ST18: variants seen among roughly 807,000 people sequenced by gnomAD.
The protein encoded by ST18 is ST18 C2H2C-type zinc finger transcription factor.
Under a neutral mutation model 110.0 loss-of-function variants are expected in ST18, and 50 were observed. That is an observed-to-expected ratio of 0.45 (90% CI 0.36 to 0.58). The LOEUF (loss-of-function observed/expected upper bound fraction) is 0.58. Among genes scored for constraint, ST18 ranks in the 20% least tolerant of loss-of-function variants. The pLI is 0.00. For synonymous variants in ST18, 461 were observed against 452.4 expected (o/e 1.02, Z -0.24); for missense variants, 1,306 against 1,280.1 (o/e 1.02, Z -0.31).
chr8:52,351,975 T>C (rs555010828), intron 2 of ST18, among the ~76,000 whole-genome samples: 1 of 152,166 alleles, frequency 6.6e-6, no homozygotes, highest in Non-Finnish European at 1.5e-5. Context: ...ATCAAAAAAA[T>C]TTATATGCAA....
intron 2 of ST18, among the ~76,000 whole-genome samples, chr8:52,260,886 C>A (rs1276893999): frequency 1.3e-5 from 2 of 152,194 alleles, no homozygotes; most frequent in Non-Finnish European, 2.9e-5. Context: ...ACATAGTAGA[C>A]CACAATGTCT....
chr8:52,163,971 G>GT lies in ST18; in HGVS notation c.1400+14dup, dbSNP rs886470697. 15 of 1,600,126 alleles carry GT rather than the reference G, an allele frequency of 9.4e-6. No homozygotes were observed. Among genetic ancestry groups the GT allele is most frequent in the Non-Finnish European group, 1.3e-5 (15 of 1,167,564 alleles). ...GGATGAAGAGAGCACTGAGAACATCGTTAGGGGTTCATACCTGTGGGCCTG... is the reference window on the plus strand; with the variant it reads ...GGATGAAGAGAGCACTGAGAACATCGTTTAGGGGTTCATACCTGTGGGCCTG... On this transcript the variant is annotated intron_variant, in intron 13 of 25. Coordinates refer to ENST00000689386, the MANE Select transcript of ST18 (RefSeq NM_001352837.2).
intron 2 of ST18, among the ~76,000 whole-genome samples, chr8:52,286,661 G>T (rs996819836): frequency 2.0e-5 from 3 of 151,740 alleles, no homozygotes; most frequent in Non-Finnish European, 4.4e-5. Flanking sequence ...GATTATGTGT[G>T]GTCAGGCATT....
intron 2 of ST18, among the ~76,000 whole-genome samples, chr8:52,380,223 G>A (rs1833989278): frequency 2.0e-5 from 3 of 152,084 alleles, no homozygotes; most frequent in Admixed American, 2.0e-4. Context: ...CTTGCAAACA[G>A]ATGACATAAA....
rs1282049099 is a variant in ST18 at position 52,132,066 on chromosome 8, T to C, written c.2558A>G (p.Asn853Ser). The C allele has an allele frequency of 6.2e-7, 1 of 1,614,220 alleles. No individual in the cohort carries two copies. The highest frequency in any genetic ancestry group is 8.5e-7 in the Non-Finnish European group (1 of 1,180,038). Residue 853 changes from asparagine (N) to serine (S), a missense_variant, in exon 22 of 26, where the codon AAT (asparagine) becomes AGT (serine). Coordinates refer to ENST00000689386, the MANE Select transcript of ST18 (RefSeq NM_001352837.2). ...CAGTTTCCAGGAGAGGGAGGCTCCA[T>C]TGAGAGGATTCTCCTTCTGTCTCTT... The part of the protein sequence containing the change: ...AAKRQKENPL[N>S]GASLSWKLNK...
At chr8:52,174,941 G>T (rs368093670) in intron 9 of ST18, among the ~76,000 whole-genome samples, 3 of 152,144 alleles carry the variant, frequency 2.0e-5, no homozygotes, top group East Asian at 1.9e-4. Context: ...TTTGCAATGG[G>T]TTGCCTTCAT....
intron 2 of ST18, among the ~76,000 whole-genome samples, chr8:52,386,047 C>A (rs1177025995): frequency 1.3e-5 from 2 of 152,112 alleles, no homozygotes; most frequent in Non-Finnish European, 1.5e-5. Context: ...GAAGGAAATC[C>A]AAAATGCCAA....
At chr8:52,352,171 T>C (rs755117354) in intron 2 of ST18, among the ~76,000 whole-genome samples, 1 of 152,124 alleles carries the variant, frequency 6.6e-6, no homozygotes, top group Non-Finnish European at 1.5e-5. Flanking sequence ...CCATATACTT[T>C]GGCACAGTTT....
intron 2 of ST18, among the ~76,000 whole-genome samples, chr8:52,239,595 A>G (rs1485275994): frequency 6.6e-6 from 1 of 150,404 alleles, no homozygotes; most frequent in Non-Finnish European, 1.5e-5. Context: ...CCCCATTATA[A>G]AAAAGAAAAA....
chr8:52,286,085 G>C lies in ST18; in HGVS notation c.-464-56008C>G, dbSNP rs145210516. Among the ~76,000 whole-genome samples the C allele has an allele frequency of 5.8e-3, 878 of 152,174 alleles. 5 individuals are homozygous for C. Among genetic ancestry groups the C allele is most frequent in the African/African-American group, 0.02 (833 of 41,530 alleles). ...TTCTTGCCAAAAGGAGTTTGTTTTT[G>C]CCTTTCTTTCCTATTAAGTTCGTTT... On this transcript the variant is annotated intron_variant, in intron 2 of 25. Coordinates refer to ENST00000689386, the MANE Select transcript of ST18 (RefSeq NM_001352837.2).
intron 2 of ST18, among the ~76,000 whole-genome samples, chr8:52,360,015 T>C (rs987975445): frequency 6.6e-5 from 10 of 152,152 alleles, no homozygotes; most frequent in African/African-American, 2.4e-4. Context: ...ATTTTCAAAC[T>C]TCTTATTGGA....
chr8:52,367,811 T>C (rs1828731091), intron 2 of ST18, among the ~76,000 whole-genome samples: 1 of 152,174 alleles, frequency 6.6e-6, no homozygotes, highest in South Asian at 2.1e-4. Context: ...CCTGATCACC[T>C]TCCATTCCTC....
Position 52,150,117 on chromosome 8 carries a change from T to C in ST18, c.1807-140A>G, listed in dbSNP as rs145968044. 1.5e-3 allele frequency: 1,796 copies of C among 1,202,808 alleles called. 28 individuals are homozygous for C. In the African/African-American group the frequency reaches 0.023, roughly 16 times the overall value. 74.5% of individuals were successfully genotyped at this position (1,202,808 alleles called of 1,614,324 possible). ...TTTAAATCTAGCTTTCTGATTTGCG[T>C]TGGGTAATGTTCAATTCTTAGGCAG... On this transcript the variant is annotated intron_variant, in intron 15 of 25. Transcript: ENST00000689386.
intron 10 of ST18, among the ~76,000 whole-genome samples, chr8:52,171,032 G>GA (rs930571096): frequency 2.6e-5 from 4 of 151,982 alleles, no homozygotes; most frequent in Non-Finnish European, 4.4e-5. Context: ...GAAACTTAGA[G>GA]AAAAAAATGC....
chr8:52,216,111 C>A (rs1207249592), intron 6 of ST18, among the ~76,000 whole-genome samples: 8 of 152,176 alleles, frequency 5.3e-5, no homozygotes, highest in African/African-American at 1.9e-4. Context: ...GTTTCTTTAG[C>A]AAAACTGAAA....
chr8:52,258,279 T>C (rs892759498), intron 2 of ST18, among the ~76,000 whole-genome samples: 1 of 152,192 alleles, frequency 6.6e-6, no homozygotes, highest in Admixed American at 6.5e-5. Context: ...AATTTCTATA[T>C]AAAACTTAGG....
chr8:52,268,315 C>T (rs1457238404), intron 2 of ST18, among the ~76,000 whole-genome samples: 8 of 152,144 alleles, frequency 5.3e-5, no homozygotes, highest in Non-Finnish European at 7.3e-5. Flanking sequence ...CCTGACTCAA[C>T]GGGTTTTAAA....
At chr8:52,361,560 C>G (rs1270005981) in intron 2 of ST18, among the ~76,000 whole-genome samples, 1 of 152,088 alleles carries the variant, frequency 6.6e-6, no homozygotes, top group Non-Finnish European at 1.5e-5. Flanking sequence ...TAAATAATTC[C>G]TTTTGTTCAT....
intron 2 of ST18, among the ~76,000 whole-genome samples, chr8:52,378,709 A>C (rs1833354547): frequency 6.6e-6 from 1 of 152,238 alleles, no homozygotes. Flanking sequence ...CCTTTGTGTC[A>C]TAACTTATCT....
Sources: gnomAD v4.1 joint callset for allele counts (sites outside exome capture counted in the v4.1 genomes callset) on GRCh38, gnomAD v4.1.1 for gene constraint, MANE v1.5 for transcripts, NCBI Gene and HGNC (gene_info 2026-07-23, HGNC 2026-07-21) for gene names.